PAK1: variants seen among roughly 807,000 people sequenced by gnomAD.
PAK1 encodes the protein serine/threonine-protein kinase PAK 1.
Under a neutral mutation model 67.4 loss-of-function variants are expected in PAK1, and 29 were observed. That is an observed-to-expected ratio of 0.43 (90% CI 0.32 to 0.59). The LOEUF (loss-of-function observed/expected upper bound fraction) is 0.59, where lower values mean the gene tolerates loss of function less well. PAK1 is among the 20% of genes least tolerant of loss of function. The pLI, the probability that PAK1 is intolerant of heterozygous loss-of-function variation, is 0.07. For synonymous variants in PAK1, 223 were observed against 237.4 expected, an observed-to-expected ratio of 0.94 and a Z score of 0.56; for missense variants, 337 against 670.7, an observed-to-expected ratio of 0.50 and a Z score of 5.50.
intron 1 of PAK1, among the ~76,000 whole-genome samples, chr11:77,422,597 C>T (rs147303504): frequency 6.6e-6 from 1 of 151,736 alleles, no homozygotes; most frequent in African/African-American, 2.4e-5. Flanking sequence ...CTTTCAAATC[C>T]CTAATCAATA....
rs774706060 is a variant in PAK1, at chr11:77,447,735, G to A, written c.-22+25817C>T. 4.0e-5 allele frequency among the ~76,000 whole-genome samples: 6 copies of A among 151,626 alleles called. No individual in the cohort carries two copies. In the East Asian group the frequency reaches 5.8e-4, roughly 15 times the overall value. ...AGACGGGGGTTTCATCATGTTGGCCGGACTGGTCTCAAACTCCTGATCTCA... is the reference window on the plus strand; with the variant it reads ...AGACGGGGGTTTCATCATGTTGGCCAGACTGGTCTCAAACTCCTGATCTCA... On this transcript the variant is annotated intron_variant, in intron 1 of 14. Coordinates refer to ENST00000356341, the MANE Select transcript of PAK1 (RefSeq NM_002576.5).
intron 4 of PAK1, among the ~76,000 whole-genome samples, chr11:77,378,970 T>G (rs1460079075): frequency 6.6e-6 from 1 of 152,132 alleles, no homozygotes; most frequent in Non-Finnish European, 1.5e-5. Flanking sequence ...CTAGTAAAGG[T>G]CAGAATCTAG....
At chr11:77,461,185 A>G (rs948255056) in intron 1 of PAK1, among the ~76,000 whole-genome samples, 1 of 152,242 alleles carries the variant, frequency 6.6e-6, no homozygotes, top group Non-Finnish European at 1.5e-5. Flanking sequence ...AGAAAGCTAT[A>G]TGCAGTGCTA....
chr11:77,328,163 T>TA (rs1245380924), intron 14 of PAK1, among the ~76,000 whole-genome samples: 4 of 152,028 alleles, frequency 2.6e-5, no homozygotes, highest in South Asian at 2.1e-4. Context: ...CAAAGAGACT[T>TA]AGACTCCAAC....
At chr11:77,492,908 C>T in the PAK1 span, among the ~76,000 whole-genome samples, 1 of 152,172 alleles carries the variant, frequency 6.6e-6, no homozygotes, top group African/African-American at 2.4e-5. Context: ...TCACCTTCCA[C>T]CATGATTGTA....
chr11:77,477,697 G>A (rs144436076), upstream of PAK1, among the ~76,000 whole-genome samples: 1,931 of 152,144 alleles, frequency 0.013, 16 homozygotes, highest in Non-Finnish European at 0.017. Flanking sequence ...AGGCCACAGT[G>A]AGCCATGACC....
intron 1 of PAK1, among the ~76,000 whole-genome samples, chr11:77,443,331 T>C (rs1592494888): frequency 6.7e-6 from 1 of 149,268 alleles, no homozygotes; most frequent in African/African-American, 2.5e-5. Context: ...AAAAGAATTA[T>C]ACAAAGTAAG....
At chr11:77,343,060 A>T (rs537908610) in intron 10 of PAK1, among the ~76,000 whole-genome samples, 136 of 152,152 alleles carry the variant, frequency 8.9e-4, no homozygotes, top group African/African-American at 2.8e-3. Context: ...AAATATGGAT[A>T]AAAAAACCCT....
intron 1 of PAK1, among the ~76,000 whole-genome samples, chr11:77,472,701 T>C (rs748173897): frequency 1.5e-4 from 23 of 152,204 alleles, no homozygotes; most frequent in Non-Finnish European, 2.5e-4. Flanking sequence ...AAATTAAAGA[T>C]TGTTCTCAGG....
the PAK1 span, among the ~76,000 whole-genome samples, chr11:77,486,884 C>T: frequency 5.9e-5 from 9 of 152,156 alleles, no homozygotes; most frequent in African/African-American, 2.2e-4. Context: ...CACAGGACTG[C>T]AATTCCTCGG....
chr11:77,493,223 C>T, the PAK1 span, among the ~76,000 whole-genome samples: 2 of 151,288 alleles, frequency 1.3e-5, no homozygotes, highest in African/African-American at 4.9e-5. Flanking sequence ...CTCGGCCTCC[C>T]AAGTAGCTGG....
chr11:77,374,509 T>C (rs756281686), intron 4 of PAK1, 144 bp from the exon 5 acceptor site: 8 of 638,140 alleles, frequency 1.3e-5, no homozygotes, highest in Non-Finnish European at 2.2e-5. Flanking sequence ...CTAGATATCA[T>C]GCTAAATGCA....
At chr11:77,497,338 A>G in the PAK1 span, among the ~76,000 whole-genome samples, 2 of 152,242 alleles carry the variant, frequency 1.3e-5, no homozygotes, top group Non-Finnish European at 2.9e-5. Context: ...ATTCATCTGT[A>G]TAGCCCCTAA....
chr11:77,396,708 C>T (rs956488269), intron 1 of PAK1, among the ~76,000 whole-genome samples: 6 of 152,186 alleles, frequency 3.9e-5, no homozygotes, highest in Non-Finnish European at 7.4e-5. Context: ...TTCTCAATGC[C>T]AAACATTTCC....
At position 77,377,513 on chromosome 11, in the gene PAK1, A is replaced by G. The variant is rs116506643; in HGVS notation, c.439+1728T>C. Among the ~76,000 whole-genome samples the G allele has an allele frequency of 1.5e-4, 23 of 152,342 alleles. No homozygotes were observed. In the East Asian group the frequency reaches 2.1e-3, roughly 14 times the overall value. ...ACGTATCTGTACATATACACTCAAT[A>G]TTATTCATATGTGCATGCATGAATG... On this transcript the variant is annotated intron_variant, in intron 4 of 14. Coordinates refer to ENST00000356341, the MANE Select transcript of PAK1 (RefSeq NM_002576.5).
At chr11:77,427,969 G>C (rs1240600800) in intron 1 of PAK1, among the ~76,000 whole-genome samples, 1 of 152,216 alleles carries the variant, frequency 6.6e-6, no homozygotes, top group Non-Finnish European at 1.5e-5. Flanking sequence ...AGCCAGAGGA[G>C]TAAATGTACT....
At chr11:77,463,365 T>C (rs932966666) in intron 1 of PAK1, among the ~76,000 whole-genome samples, 3 of 152,124 alleles carry the variant, frequency 2.0e-5, no homozygotes, top group Admixed American at 6.5e-5. Context: ...CAATGTTTTA[T>C]TTAAAAAAAA....
chr11:77,426,126 C>G (rs1955535094), intron 1 of PAK1, among the ~76,000 whole-genome samples: 1 of 132,234 alleles, frequency 7.6e-6, no homozygotes, highest in South Asian at 2.5e-4. Context: ...TCTCCTAAGA[C>G]TTGTTAAGAA....
intron 2 of PAK1, among the ~76,000 whole-genome samples, chr11:77,380,783 T>C (rs1949709314): frequency 6.6e-6 from 1 of 152,118 alleles, no homozygotes. Flanking sequence ...AGCACACACC[T>C]GGACAAAGTA....
Sources: gnomAD v4.1 joint callset for allele counts (sites outside exome capture counted in the v4.1 genomes callset) on GRCh38, gnomAD v4.1.1 for gene constraint, MANE v1.5 for transcripts, NCBI Gene and HGNC (gene_info 2026-07-23, HGNC 2026-07-21) for gene names.